The following EGFLAM variants were observed in gnomAD, a reference collection of about 807,000 sequenced individuals.
EGFLAM encodes the protein pikachurin.
Under a neutral mutation model 113.1 loss-of-function variants are expected in EGFLAM, and 79 were observed. The ratio of observed to expected loss-of-function variants is 0.70; its 90% CI spans 0.58 to 0.84. The LOEUF is 0.84. Ranked by LOEUF, EGFLAM falls within the 40% of genes least tolerant of loss-of-function variation. The probability of loss-of-function intolerance (pLI) is 0.00; values close to 1 mark genes in which losing one functional copy is unlikely to be tolerated. For synonymous variants in EGFLAM, 504 were observed against 487.6 expected, an observed-to-expected ratio of 1.03 and a Z score of -0.44; for missense variants, 1,265 against 1,291.6, an observed-to-expected ratio of 0.98 and a Z score of 0.32.
chr5:38,385,535 T>G (rs1288968999), intron 6 of EGFLAM, among the ~76,000 whole-genome samples: 2 of 152,092 alleles, frequency 1.3e-5, no homozygotes, highest in African/African-American at 4.8e-5. Context: ...ACCATCCATA[T>G]TTTTTTCCAA....
At chr5:38,388,772 A>C (rs1300149217) in intron 6 of EGFLAM, among the ~76,000 whole-genome samples, 13 of 149,524 alleles carry the variant, frequency 8.7e-5, no homozygotes, top group African/African-American at 3.2e-4. Context: ...AAAAAAAAAA[A>C]AAAAAGTTAG....
intron 1 of EGFLAM, among the ~76,000 whole-genome samples, chr5:38,315,453 A>G (rs1561274866): frequency 6.6e-6 from 1 of 152,206 alleles, no homozygotes; most frequent in East Asian, 1.9e-4. Context: ...ATCGCACAAT[A>G]TATAAGTGCA....
At position 38,312,391 on chromosome 5, in the gene EGFLAM, G is replaced by A. The variant is rs552073983; in HGVS notation, c.98-25129G>A. On this transcript the variant is annotated intron_variant, in intron 1 of 21. Transcript: ENST00000322350. ...GGAGTAGCTGGGTCTACAGGCGCCTGCCACCTCGCCTGGCTAATTTTTTGT... is the reference window on the plus strand; with the variant it reads ...GGAGTAGCTGGGTCTACAGGCGCCTACCACCTCGCCTGGCTAATTTTTTGT... 7.6e-4 allele frequency among the ~76,000 whole-genome samples: 116 copies of A among 152,120 alleles called. No homozygotes were observed. In the Middle Eastern group the frequency reaches 0.014, roughly 18 times the overall value.
intron 1 of EGFLAM, 65 bp from the exon 2 acceptor site, chr5:38,337,455 T>C: frequency 7.1e-7 from 1 of 1,407,300 alleles, no homozygotes; most frequent in South Asian, 1.3e-5. Flanking sequence ...TCTTAAATCT[T>C]GTGTAAGTAT....
At chr5:38,348,707 G>A (rs983076740) in intron 3 of EGFLAM, among the ~76,000 whole-genome samples, 4 of 152,166 alleles carry the variant, frequency 2.6e-5, no homozygotes, top group African/African-American at 9.7e-5. Flanking sequence ...GGAGCTAGGG[G>A]TGCAGGTATG....
intron 19 of EGFLAM, among the ~76,000 whole-genome samples, chr5:38,457,078 T>C (rs979731191): frequency 1.3e-5 from 2 of 152,134 alleles, no homozygotes; most frequent in Non-Finnish European, 2.9e-5. Context: ...GGAACTGAAA[T>C]AGAAAATAGG....
intron 11 of EGFLAM, among the ~76,000 whole-genome samples, chr5:38,417,686 C>CACAGA (rs1166713008): frequency 2.6e-5 from 4 of 152,104 alleles, no homozygotes; most frequent in Non-Finnish European, 4.4e-5. Context: ...CCTTTGGAGG[C>CACAGA]ACAGAATAGC....
At chr5:38,446,033 C>T (rs1179594657) in intron 17 of EGFLAM, among the ~76,000 whole-genome samples, 2 of 152,196 alleles carry the variant, frequency 1.3e-5, no homozygotes, top group African/African-American at 4.8e-5. Context: ...GGGACAGGCC[C>T]TGGCGGTACC....
At chr5:38,272,660 C>T (rs1174101602) in intron 1 of EGFLAM, among the ~76,000 whole-genome samples, 1 of 152,040 alleles carries the variant, frequency 6.6e-6, no homozygotes. Context: ...TTTTTAAGAA[C>T]CAACATGCCT....
intron 1 of EGFLAM, among the ~76,000 whole-genome samples, chr5:38,263,683 G>T (rs1757559950): frequency 6.6e-6 from 1 of 152,064 alleles, no homozygotes; most frequent in Admixed American, 6.5e-5. Context: ...AATGGCTCGT[G>T]CTGTTTTTTT....
At position 38,370,505 on chromosome 5, in the gene EGFLAM, T is replaced by C. The variant is rs371782243; in HGVS notation, c.712+43T>C. Reference sequence around the variant, plus strand: ...TCTGAGGGACCAAGGGAGCTGCATATCTGGGCTTGCCTCATGAAGACTCAC... The same window carrying C: ...TCTGAGGGACCAAGGGAGCTGCATACCTGGGCTTGCCTCATGAAGACTCAC... On this transcript the variant is annotated intron_variant, in intron 6 of 21. Transcript: ENST00000322350. 8.2e-6 allele frequency: 13 copies of C among 1,591,796 alleles called. No individual in the cohort carries two copies. The African/African-American group carries it at 9.4e-5, about 11-fold the overall frequency.
intron 15 of EGFLAM, 143 bp from the exon 16 acceptor site, chr5:38,434,994 G>A: frequency 1.6e-6 from 1 of 629,070 alleles, no homozygotes; most frequent in Non-Finnish European, 2.8e-6. Flanking sequence ...TGAAAGTGAA[G>A]CCCTTGTGTA....
chr5:38,343,459 G>T (rs1561286041), intron 3 of EGFLAM, among the ~76,000 whole-genome samples: 1 of 151,624 alleles, frequency 6.6e-6, no homozygotes, highest in Non-Finnish European at 1.5e-5. Flanking sequence ...TTCTCAACTG[G>T]GGGTACCTTT....
chr5:38,309,539 T>C (rs1363650203), intron 1 of EGFLAM, among the ~76,000 whole-genome samples: 1 of 152,162 alleles, frequency 6.6e-6, no homozygotes, highest in Non-Finnish European at 1.5e-5. Flanking sequence ...TGCTCTGCCC[T>C]CTCTCTCCTT....
chr5:38,341,715 GTTA>G (rs1311137570), intron 3 of EGFLAM, among the ~76,000 whole-genome samples: 3 of 152,172 alleles, frequency 2.0e-5, no homozygotes, highest in Admixed American at 6.5e-5. Flanking sequence ...AAAGATGTGA[GTTA>G]TTATATCGTA....
intron 11 of EGFLAM, among the ~76,000 whole-genome samples, chr5:38,413,469 C>T (rs894642392): frequency 2.6e-5 from 4 of 151,208 alleles, no homozygotes; most frequent in South Asian, 2.1e-4. Flanking sequence ...TGAGGGGGGC[C>T]GTAATTGTAG....
At chr5:38,407,658 T>C (rs1359050785) in intron 8 of EGFLAM, 147 bp from the exon 9 acceptor site, 1 of 595,934 alleles carries the variant, frequency 1.7e-6, no homozygotes, top group Non-Finnish European at 2.9e-6. Context: ...GTTGTAGGTA[T>C]AAAAAGTATA....
In EGFLAM at chr5:38,373,825, A is replaced by G. The variant is rs71621868; in HGVS notation, c.712+3363A>G. On this transcript the variant is annotated intron_variant, in intron 6 of 21. Coordinates refer to ENST00000322350, the MANE Select transcript of EGFLAM (RefSeq NM_152403.4). ...TGGTAGTTATATTTTTAGTTCTTTG[A>G]GAAGTCTCCATAGTGTTTTCCACAG... Among the ~76,000 whole-genome samples, 1,150 of 152,248 alleles carry G rather than the reference A, an allele frequency of 7.6e-3. 5 individuals carry two copies. Among genetic ancestry groups the G allele is most frequent in the Non-Finnish European group, 0.01 (696 of 68,030 alleles).
intron 6 of EGFLAM, among the ~76,000 whole-genome samples, chr5:38,376,154 T>TA (rs1436336801): frequency 6.6e-6 from 1 of 152,116 alleles, no homozygotes; most frequent in Non-Finnish European, 1.5e-5. Context: ...GGGGGCTTTG[T>TA]AAAAAATGTA....
Sources: gnomAD v4.1 joint callset for allele counts (sites outside exome capture counted in the v4.1 genomes callset) on GRCh38, gnomAD v4.1.1 for gene constraint, MANE v1.5 for transcripts, NCBI Gene and HGNC (gene_info 2026-07-23, HGNC 2026-07-21) for gene names.